NPAS3: variants seen among roughly 807,000 people sequenced by gnomAD.
NPAS3 encodes neuronal PAS domain-containing protein 3.
A neutral mutation model predicts 73.1 loss-of-function variants in NPAS3; 14 were observed. That is an observed-to-expected ratio of 0.19 (90% CI 0.13 to 0.30). The LOEUF (loss-of-function observed/expected upper bound fraction) is 0.30, where lower values mean the gene tolerates loss of function less well. NPAS3 is among the 10% of genes least tolerant of loss of function. The pLI, the probability that NPAS3 is intolerant of heterozygous loss-of-function variation, is 1.00. For synonymous variants in NPAS3, 620 were observed against 541.5 expected (o/e 1.14, Z -2.01); for missense variants, 1,096 against 1,250.0 (o/e 0.88, Z 1.86).
At chr14:33,095,889 G>T (rs559856757) in intron 2 of NPAS3, among the ~76,000 whole-genome samples, 1 of 151,426 alleles carries the variant, frequency 6.6e-6, no homozygotes, top group Non-Finnish European at 1.5e-5. Context: ...TGCCAGGATG[G>T]TCTCGATCTC....
chr14:33,539,190 G>C (rs1377259175), intron 4 of NPAS3, among the ~76,000 whole-genome samples: 1 of 152,110 alleles, frequency 6.6e-6, no homozygotes, highest in Non-Finnish European at 1.5e-5. Flanking sequence ...TGGAAACAGA[G>C]ATGCCAACCT....
chr14:33,422,600 T>C (rs1305451367), intron 4 of NPAS3, among the ~76,000 whole-genome samples: 2 of 151,938 alleles, frequency 1.3e-5, no homozygotes, highest in African/African-American at 4.8e-5. Flanking sequence ...CCTACTAAAA[T>C]GAAAGCTTCA....
chr14:33,331,881 G>A (rs776803769), intron 3 of NPAS3, among the ~76,000 whole-genome samples: 42 of 152,188 alleles, frequency 2.8e-4, no homozygotes, highest in Non-Finnish European at 5.6e-4. Flanking sequence ...CTGTCCATAT[G>A]TGTGCTCTTG....
At chr14:33,419,337 G>A (rs558226232) in intron 4 of NPAS3, among the ~76,000 whole-genome samples, 8 of 151,674 alleles carry the variant, frequency 5.3e-5, no homozygotes, top group Non-Finnish European at 1.0e-4. Context: ...TAACATCAAC[G>A]CATTTTTTTC....
chr14:33,648,665 C>A (rs190546394), intron 5 of NPAS3, among the ~76,000 whole-genome samples: 6 of 152,238 alleles, frequency 3.9e-5, no homozygotes, highest in Admixed American at 3.9e-4. Flanking sequence ...TGAACACATC[C>A]CAGTGCGTGT....
At chr14:33,745,878 A>G (rs2061775627) in intron 7 of NPAS3, among the ~76,000 whole-genome samples, 1 of 152,234 alleles carries the variant, frequency 6.6e-6, no homozygotes, top group African/African-American at 2.4e-5. Flanking sequence ...AGCACATACC[A>G]AATGGTTTTC....
chr14:32,947,125 A>G (rs1595066655), intron 1 of NPAS3, among the ~76,000 whole-genome samples: 1 of 152,152 alleles, frequency 6.6e-6, no homozygotes, highest in Non-Finnish European at 1.5e-5. Flanking sequence ...TTCATTTGTA[A>G]GATTTATAAA....
At chr14:33,280,934 A>G (rs2041576516) in intron 3 of NPAS3, among the ~76,000 whole-genome samples, 1 of 152,218 alleles carries the variant, frequency 6.6e-6, no homozygotes, top group South Asian at 2.1e-4. Flanking sequence ...AAGAAGTGAA[A>G]GTAAAATACC....
At position 33,707,860 on chromosome 14, in the gene NPAS3, G is replaced by A. The variant is rs576153568; in HGVS notation, c.734-27354G>A. On this transcript the variant is annotated intron_variant, in intron 6 of 11. Transcript: ENST00000356141. ...ATCTGCAGAGCACAGCTAAATTATCGCTTTGCCTGCATGCGTGGCACACAG... is the reference window on the plus strand; with the variant it reads ...ATCTGCAGAGCACAGCTAAATTATCACTTTGCCTGCATGCGTGGCACACAG... 4.9e-4 allele frequency among the ~76,000 whole-genome samples: 75 copies of A among 152,270 alleles called. 1 individual carries two copies. Among genetic ancestry groups the A allele is most frequent in the African/African-American group, 1.6e-3 (68 of 41,546 alleles).
At chr14:33,423,743 T>C (rs1026258143) in intron 4 of NPAS3, among the ~76,000 whole-genome samples, 1 of 151,888 alleles carries the variant, frequency 6.6e-6, no homozygotes, top group Non-Finnish European at 1.5e-5. Context: ...TAAATAACTG[T>C]AGGTGTTGTA....
At chr14:33,362,316 T>C (rs2045640753) in intron 3 of NPAS3, among the ~76,000 whole-genome samples, 1 of 152,130 alleles carries the variant, frequency 6.6e-6, no homozygotes, top group African/African-American at 2.4e-5. Flanking sequence ...ACACAGCCTA[T>C]ATTACATGCA....
intron 2 of NPAS3, among the ~76,000 whole-genome samples, chr14:33,096,066 G>A (rs529436103): frequency 4.0e-5 from 6 of 151,102 alleles, no homozygotes; most frequent in African/African-American, 1.5e-4. Flanking sequence ...ACAGGGGTTT[G>A]TTCTGAGTCT....
intron 6 of NPAS3, among the ~76,000 whole-genome samples, chr14:33,726,424 T>A (rs1191538487): frequency 2.0e-5 from 3 of 152,146 alleles, no homozygotes; most frequent in African/African-American, 7.2e-5. Flanking sequence ...AATAATAGCT[T>A]TCTGTAAAGC....
intron 5 of NPAS3, among the ~76,000 whole-genome samples, chr14:33,586,575 T>A (rs1157757882): frequency 3.3e-5 from 5 of 152,198 alleles, no homozygotes; most frequent in Non-Finnish European, 5.9e-5. Flanking sequence ...TTAAATACAT[T>A]TGGAGATGTA....
chr14:32,966,311 G>T (rs973477016), intron 1 of NPAS3, among the ~76,000 whole-genome samples: 2 of 152,084 alleles, frequency 1.3e-5, no homozygotes, highest in Non-Finnish European at 2.9e-5. Flanking sequence ...TACTACAAAA[G>T]AGTAGTAACC....
chr14:32,997,142 C>T (rs1030929452), intron 1 of NPAS3, among the ~76,000 whole-genome samples: 27 of 152,188 alleles, frequency 1.8e-4, no homozygotes, highest in Admixed American at 8.5e-4. Flanking sequence ...GGATTTCAGA[C>T]GTGCATGGGG....
Position 32,948,327 on chromosome 14 carries a change from T to A in NPAS3, c.50+8961T>A, listed in dbSNP as rs563664033. ...AAGAATGTAGAGTAGATATATTGCA[T>A]CCTAATCTTAGAAGAAATGGTTGGT... On this transcript the variant is annotated intron_variant, in intron 1 of 11. Transcript: ENST00000356141. 2.0e-5 allele frequency among the ~76,000 whole-genome samples: 3 copies of A among 152,280 alleles called. No homozygotes were observed. The East Asian group carries it at 5.8e-4, about 29-fold the overall frequency.
chr14:33,378,344 G>A (rs2046391922), intron 4 of NPAS3, among the ~76,000 whole-genome samples: 2 of 152,120 alleles, frequency 1.3e-5, no homozygotes, highest in African/African-American at 4.8e-5. Context: ...CACTTCCTGT[G>A]ATCACACACA....
At chr14:33,790,543 A>G (rs1208113796) in intron 9 of NPAS3, among the ~76,000 whole-genome samples, 1 of 151,264 alleles carries the variant, frequency 6.6e-6, no homozygotes, top group Non-Finnish European at 1.5e-5. Context: ...CTGATTTGCC[A>G]GTATGACTTT....
Sources: allele counts gnomAD v4.1 joint callset (sites outside exome capture counted in the v4.1 genomes callset), GRCh38; gene constraint gnomAD v4.1.1; transcripts MANE v1.5; gene names NCBI Gene and HGNC (gene_info 2026-07-23, HGNC 2026-07-21).